Variants in PLEKHM2 observed in about 807,000 individuals in gnomAD.
PLEKHM2 encodes the protein pleckstrin homology domain-containing family M member 2.
A neutral mutation model predicts 116.3 loss-of-function variants in PLEKHM2; 77 were observed. That is an observed-to-expected ratio of 0.66 (90% confidence interval 0.55 to 0.80). PLEKHM2 has a LOEUF of 0.80. PLEKHM2 is among the 30% of genes least tolerant of loss of function. The pLI, the probability that PLEKHM2 is intolerant of heterozygous loss-of-function variation, is 0.00. For synonymous variants in PLEKHM2, 562 were observed against 571.0 expected, an observed-to-expected ratio of 0.98 and a Z score of 0.22; for missense variants, 1,183 against 1,354.9, an observed-to-expected ratio of 0.87 and a Z score of 1.99.
intron 16 of PLEKHM2, 131 bp from the exon 17 acceptor site, chr1:15,731,758 C>T: frequency 1.3e-6 from 1 of 747,366 alleles, no homozygotes; most frequent in Non-Finnish European, 2.1e-6. Context: ...CTGGAGAACC[C>T]TCTGGTATCC....
intron 1 of PLEKHM2, among the ~76,000 whole-genome samples, 183 bp from the exon 2 acceptor site, chr1:15,716,054 C>A (rs982070644): frequency 6.6e-6 from 1 of 152,180 alleles, no homozygotes; most frequent in Non-Finnish European, 1.5e-5. Flanking sequence ...ACAGCTGTTG[C>A]CTGCTGGAAC....
chr1:15,708,950 A>G (rs1449384340), intron 1 of PLEKHM2, among the ~76,000 whole-genome samples: 1 of 152,216 alleles, frequency 6.6e-6, no homozygotes, highest in East Asian at 1.9e-4. Flanking sequence ...TAGTATAAGC[A>G]TTATGAACCC....
In PLEKHM2 at chr1:15,731,264, G is replaced by A; in HGVS notation, c.2465+7G>A. ...TGCTCTCGGTGAACATGGGGTAAGT[G>A]TCCCGGGAGAAGCGGGTGTATCCTG... is the stretch of plus-strand genomic sequence containing the variant. On this transcript the variant is annotated splice_region_variant and intron_variant, in intron 16 of 19. Coordinates refer to ENST00000375799, the MANE Select transcript of PLEKHM2 (RefSeq NM_015164.4). 3.8e-6 allele frequency: 6 copies of A among 1,576,706 alleles called. No homozygotes were observed. The highest frequency in any genetic ancestry group is 5.2e-6 in the Non-Finnish European group (6 of 1,159,612).
At chr1:15,716,489 T>C (rs1641449063) in intron 2 of PLEKHM2, 146 bp downstream of exon 2, 1 of 672,996 alleles carries the variant, frequency 1.5e-6, no homozygotes, top group Non-Finnish European at 2.5e-6. Flanking sequence ...GGCCACAGTC[T>C]CTCTGTAGTT....
rs116481375 is a variant in PLEKHM2 at position 15,731,305 on chromosome 1, G to A, written c.2465+48G>A. On this transcript the variant is annotated intron_variant, in intron 16 of 19. Transcript: ENST00000375799. ...GTGTATCCTGGGGCCCAGAGCTGCC[G>A]TTTCCCTGGTTTGAGATGGCTGCCC... is the stretch of plus-strand genomic sequence containing the variant. 2.0e-3 allele frequency: 2,754 copies of A among 1,384,940 alleles called. 40 individuals carry two copies. The African/African-American group carries it at 0.034, about 17-fold the overall frequency. The allele number at this position is 1,384,940 out of a possible 1,614,324, so 85.8% of individuals were successfully genotyped here. A position where few individuals can be genotyped will look rare whatever the true frequency, so the allele number is the denominator to read the frequency against.
chr1:15,728,210 GC>G lies in PLEKHM2; in HGVS notation c.1831-52del, dbSNP rs368356752. 7.3e-4 allele frequency: 1,169 copies of G among 1,603,644 alleles called. 13 individuals carry two copies. The East Asian group carries it at 0.023, about 31-fold the overall frequency. On this transcript the variant is annotated intron_variant, in intron 10 of 19. Coordinates refer to ENST00000375799, the MANE Select transcript of PLEKHM2 (RefSeq NM_015164.4). The surrounding 1 kb of genome is among the most constrained non-coding windows in gnomAD (Gnocchi z 5.9). ...CAAGGGCAAGGCGGGATGGGCCACC[GC>G]CCCCGCTGGAGCGGCAGGAGCCACC... is the stretch of plus-strand genomic sequence containing the variant.
Position 15,734,020 on chromosome 1 carries a change from C to T in PLEKHM2, c.*86C>T, listed in dbSNP as rs1569575915. ...ACTGTCACGGCTGTTGTCATGCTGT[C>T]GGGAGCCTACAGTCCACCCCTGCCC... On this transcript the variant is annotated 3_prime_UTR_variant, in exon 20 of 20. Coordinates refer to ENST00000375799, the MANE Select transcript of PLEKHM2 (RefSeq NM_015164.4). 1.7e-5 allele frequency: 24 copies of T among 1,441,214 alleles called. No individual in the cohort carries two copies. Among genetic ancestry groups the T allele is most frequent in the East Asian group, 2.5e-5 (1 of 40,516 alleles). 89.3% of individuals were successfully genotyped at this position (1,441,214 alleles called of 1,614,324 possible).
At position 15,729,738 on chromosome 1, in the gene PLEKHM2, C is replaced by T. The variant is rs763599767; in HGVS notation, c.2076-59C>T. The stretch of plus-strand genomic sequence containing the variant: ...AGGCCAGCAGCGCTCAAGACTAAGC[C>T]CTGTCCAGTTGAGGCCCTGTTCCCA... On this transcript the variant is annotated intron_variant, in intron 13 of 19. Coordinates refer to ENST00000375799, the MANE Select transcript of PLEKHM2 (RefSeq NM_015164.4). The surrounding 1 kb of genome is among the most constrained non-coding windows in gnomAD (Gnocchi z 4.7). The T allele has an allele frequency of 4.7e-6, 7 of 1,497,726 alleles. No individual in the cohort carries two copies. The highest frequency in any genetic ancestry group is 6.4e-6 in the Non-Finnish European group (7 of 1,101,904). The allele number at this position is 1,497,726 out of a possible 1,614,324, so 92.8% of individuals were successfully genotyped here.
chr1:15,716,591 G>T, intron 2 of PLEKHM2, 116 bp from the exon 3 acceptor site: 1 of 1,017,134 alleles, frequency 9.8e-7, no homozygotes, highest in Non-Finnish European at 1.5e-6. Flanking sequence ...TGGGTGCCTG[G>T]GAGACCTGCT....
chr1:15,734,027 C>G lies in PLEKHM2; in HGVS notation c.*93C>G. ...CGGCTGTTGTCATGCTGTCGGGAGC[C>G]TACAGTCCACCCCTGCCCTGGGCGG... On this transcript the variant is annotated 3_prime_UTR_variant, in exon 20 of 20. Transcript: ENST00000375799. The G allele has an allele frequency of 7.2e-7, 1 of 1,392,406 alleles. No homozygotes were observed. Among genetic ancestry groups the G allele is most frequent in the Non-Finnish European group, 9.7e-7 (1 of 1,033,714 alleles). 86.3% of individuals were successfully genotyped at this position (1,392,406 alleles called of 1,614,324 possible).
chr1:15,711,300 T>C (rs1318795525), intron 1 of PLEKHM2, among the ~76,000 whole-genome samples: 1 of 151,388 alleles, frequency 6.6e-6, no homozygotes, highest in African/African-American at 2.4e-5. Context: ...AATCAAATTG[T>C]CCTAAAACTA....
chr1:15,734,412 T>A lies in PLEKHM2; in HGVS notation c.*478T>A, dbSNP rs41270295. 782 of 159,614 alleles carry A rather than the reference T, an allele frequency of 4.9e-3. 5 individuals carry two copies. Among genetic ancestry groups the A allele is most frequent in the South Asian group, 0.016 (88 of 5,556 alleles). The allele number at this position is 159,614 out of a possible 1,614,324, so 9.9% of individuals were successfully genotyped here. ...CGTGGGGAAGCGGGAACACGGGGTG[T>A]CTGCGCATGTTTCCTCCTCCTAGCT... On this transcript the variant is annotated 3_prime_UTR_variant, in exon 20 of 20. Transcript: ENST00000375799.
chr1:15,701,327 A>G (rs7541630), intron 1 of PLEKHM2, among the ~76,000 whole-genome samples: 24,288 of 134,948 alleles, frequency 0.18, 3,629 homozygotes, highest in African/African-American at 0.43. Flanking sequence ...CAACTACTCG[A>G]GAGGCTGAGG....
In PLEKHM2 at chr1:15,729,949, G is replaced by A. The variant is rs1571071570; in HGVS notation, c.2208+20G>A. 3 of 1,604,224 alleles carry A rather than the reference G, an allele frequency of 1.9e-6. No homozygotes were observed. Among genetic ancestry groups the A allele is most frequent in the Non-Finnish European group, 2.5e-6 (3 of 1,177,442 alleles). The stretch of plus-strand genomic sequence containing the variant: ...TGTGAGGTAAGAACCTGGGGAGGAA[G>A]CTGAGTGCAGCCCCTGAGATGGCAG... On this transcript the variant is annotated intron_variant, in intron 14 of 19. Transcript: ENST00000375799. This position sits in a 1 kb window ranked among gnomAD's most constrained non-coding sequence, Gnocchi z 4.7.
At chr1:15,710,602 C>T (rs1425937057) in intron 1 of PLEKHM2, among the ~76,000 whole-genome samples, 3 of 151,992 alleles carry the variant, frequency 2.0e-5, no homozygotes, top group African/African-American at 7.2e-5. Context: ...GCTGGGATTA[C>T]AGGCGTAAGC....
Position 15,720,150 on chromosome 1 carries a change from A to AT in PLEKHM2, c.652+230_652+231insT, listed in dbSNP as rs71002923. Among the ~76,000 whole-genome samples the AT allele has an allele frequency of 4.8e-4, 65 of 135,404 alleles. No homozygotes were observed. The South Asian group carries it at 0.01, about 22-fold the overall frequency. The allele number at this position is 135,404 out of a possible 152,430, so 88.8% of individuals were successfully genotyped here. A position where few individuals can be genotyped will look rare whatever the true frequency, so the allele number is the denominator to read the frequency against. ...AAATTATATATATATATATATATAT[A>AT]AAATATATATTTTTTAAGGTTAGAC... On this transcript the variant is annotated intron_variant, in intron 6 of 19. Transcript: ENST00000375799.
chr1:15,702,549 G>T (rs1017108777), intron 1 of PLEKHM2, among the ~76,000 whole-genome samples: 1 of 152,036 alleles, frequency 6.6e-6, no homozygotes, highest in Non-Finnish European at 1.5e-5. Context: ...CCAAGTAGCT[G>T]GGATTACAGG....
intron 1 of PLEKHM2, among the ~76,000 whole-genome samples, chr1:15,709,974 C>CTAG (rs1213297278): frequency 6.6e-6 from 1 of 151,992 alleles, no homozygotes; most frequent in Non-Finnish European, 1.5e-5. Flanking sequence ...GCCTGTAATC[C>CTAG]TAGCACTTTG....
chr1:15,716,324 G>T lies in PLEKHM2; in HGVS notation c.148G>T (p.Asp50Tyr). Residue 50 changes from aspartate to tyrosine, a missense_variant, in exon 2 of 20, where the codon GAC becomes TAC. By Grantham distance (160) the Asp-to-Tyr change is radical. Transcript: ENST00000375799. ...KVLQRLCEHL[D>Y]HALLYGLQDL... is the part of the protein sequence containing the mutation. ...CCTACAGCGTCTGTGTGAGCACCTG[G>T]ACCACGCCCTGCTGTACGGGTAAGG... is the stretch of plus-strand genomic sequence containing the variant. 6.2e-7 allele frequency: 1 copy of T among 1,600,856 alleles called. No individual in the cohort carries two copies. The highest frequency in any genetic ancestry group is 1.1e-5 in the South Asian group (1 of 88,910).
Sources: allele counts gnomAD v4.1 joint callset (sites outside exome capture counted in the v4.1 genomes callset), GRCh38; gene constraint gnomAD v4.1.1; non-coding constraint Gnocchi (gnomAD v3.1); transcripts MANE v1.5; gene names NCBI Gene and HGNC (gene_info 2026-07-23, HGNC 2026-07-21).